LHFPL6: variants seen among roughly 807,000 people sequenced by gnomAD.
LHFPL6 encodes LHFPL tetraspan subfamily member 6.
LHFPL6 carries 9 observed loss-of-function variants against 20.6 expected under a neutral mutation model. The observed-to-expected ratio is 0.44, with a 90% CI of 0.26 to 0.76. The LOEUF is 0.76. Among genes scored for constraint, LHFPL6 ranks in the 30% least tolerant of loss-of-function variants. LHFPL6 has a pLI of 0.20. For missense variants in LHFPL6, 218 were observed against 253.5 expected (o/e 0.86, Z 0.95); for synonymous variants, 105 against 98.7 (o/e 1.06, Z -0.38).
chr13:39,351,210 C>T (rs1308154718), intron 3 of LHFPL6, among the ~76,000 whole-genome samples: 14 of 152,102 alleles, frequency 9.2e-5, no homozygotes, highest in Non-Finnish European at 1.6e-4. Flanking sequence ...CAAAATTAAT[C>T]GTCATATAAC....
chr13:39,552,285 CT>C (rs1871162351), intron 2 of LHFPL6, among the ~76,000 whole-genome samples: 1 of 152,146 alleles, frequency 6.6e-6, no homozygotes. Context: ...TAAGGAGAAT[CT>C]ATTAACTGAG....
At chr13:39,399,185 T>C (rs903352836) in intron 2 of LHFPL6, among the ~76,000 whole-genome samples, 6 of 152,160 alleles carry the variant, frequency 3.9e-5, no homozygotes, top group African/African-American at 1.2e-4. Flanking sequence ...CAAAAGAGCA[T>C]AGGGTCAATC....
At chr13:39,550,720 T>C (rs769720323) in intron 2 of LHFPL6, among the ~76,000 whole-genome samples, 32 of 152,158 alleles carry the variant, frequency 2.1e-4, no homozygotes, top group African/African-American at 6.8e-4. Flanking sequence ...TTTGGCTTTA[T>C]GAATAAGAGA....
Position 39,394,487 on chromosome 13 carries a change from G to T in LHFPL6, c.386-15961C>A, listed in dbSNP as rs1870794337. Among the ~76,000 whole-genome samples the T allele has an allele frequency of 2.0e-5, 3 of 152,122 alleles. No homozygotes were observed. The South Asian group carries it at 6.2e-4, about 31-fold the overall frequency. ...CAGCCTCAAGATGATCTAATCTAGT[G>T]CTTCTCAAACTTTGCCATGAAAATA... On this transcript the variant is annotated intron_variant, in intron 2 of 3. Transcript: ENST00000379589.
chr13:39,566,731 TAAAAAAAAAAAAAAAAA>T lies in LHFPL6; in HGVS notation c.385+34084_385+34100del, dbSNP rs3035077. Among the ~76,000 whole-genome samples the T allele has an allele frequency of 5.7e-5, 4 of 70,088 alleles. No homozygotes were observed. In the Admixed American group the frequency reaches 8.1e-4, roughly 14 times the overall value. 46.0% of individuals were successfully genotyped at this position (70,088 alleles called of 152,430 possible). On this transcript the variant is annotated intron_variant, in intron 2 of 3. Coordinates refer to ENST00000379589, the MANE Select transcript of LHFPL6 (RefSeq NM_005780.3). Reference sequence around the variant, plus strand: ...CTGGGCAACAGAGCAAGACCCTGTCTAAAAAAAAAAAAAAAAAAAAAAAAAAAAATTTGCTTTAAAGG... The same window carrying T: ...CTGGGCAACAGAGCAAGACCCTGTCTAAAAAAAAAAAATTTGCTTTAAAGG...
intron 3 of LHFPL6, 56 bp from the exon 4 acceptor site, chr13:39,344,110 AG>A: frequency 6.9e-7 from 1 of 1,450,604 alleles, no homozygotes; most frequent in Non-Finnish European, 9.6e-7. Context: ...ATTTTGCAGC[AG>A]GGTTTCTTAT....
chr13:39,371,478 A>G (rs982455554), intron 3 of LHFPL6, among the ~76,000 whole-genome samples: 3 of 152,250 alleles, frequency 2.0e-5, no homozygotes, highest in African/African-American at 7.2e-5. Context: ...GTCCTGTCCA[A>G]CTGCAAACAT....
At chr13:39,350,838 C>A (rs1869552130) in intron 3 of LHFPL6, among the ~76,000 whole-genome samples, 1 of 152,188 alleles carries the variant, frequency 6.6e-6, no homozygotes, top group Non-Finnish European at 1.5e-5. Flanking sequence ...AATTCCAGGG[C>A]AGCCCCAGAG....
chr13:39,399,939 C>T (rs1870944337), intron 2 of LHFPL6, among the ~76,000 whole-genome samples: 1 of 152,038 alleles, frequency 6.6e-6, no homozygotes. Context: ...ACTAAAAACA[C>T]AAAGTTAGCC....
In LHFPL6 at chr13:39,420,963, T is replaced by C. The variant is rs183049107; in HGVS notation, c.386-42437A>G. 1.4e-3 allele frequency among the ~76,000 whole-genome samples: 218 copies of C among 151,568 alleles called. No homozygotes were observed. In the East Asian group the frequency reaches 0.018, roughly 13 times the overall value. On this transcript the variant is annotated intron_variant, in intron 2 of 3. Transcript: ENST00000379589. ...TCTTTAGGTTCTGAATCTGTGTTTT[T>C]CCCCCCCCTCAAAACTAGGAAATAC...
At chr13:39,500,982 G>A (rs539690386) in intron 2 of LHFPL6, among the ~76,000 whole-genome samples, 2 of 152,268 alleles carry the variant, frequency 1.3e-5, no homozygotes, top group Admixed American at 6.5e-5. Flanking sequence ...AGTCTGGGGT[G>A]GGGCGTGACA....
In LHFPL6 at chr13:39,343,961, T is replaced by C. The variant is rs1313767274; in HGVS notation, c.578A>G (p.Lys193Arg). 4.3e-6 allele frequency: 7 copies of C among 1,613,894 alleles called. No homozygotes were observed. The highest frequency in any genetic ancestry group is 5.9e-6 in the Non-Finnish European group (7 of 1,179,958). ...LCTWLACFSG[K>R]KQKHYPY ...TCAGTATGGGTAGTGCTTCTGTTTC[T>C]TGCCCGAAAAGCAAGCCAGCCACGT... The change falls in exon 4 of 4, where the codon AAG (lysine) becomes AGG (arginine). Residue 193 changes from lysine to arginine, a missense_variant. Transcript: ENST00000379589.
chr13:39,562,407 C>CATATATACATATAT lies in LHFPL6; in HGVS notation c.385+38424_385+38425insATATATGTATATAT, dbSNP rs1401360857. ...ACATATACATATATATACATATATA[C>CATATATACATATAT]ACATATACACATATACATATATACA... On this transcript the variant is annotated intron_variant, in intron 2 of 3. Transcript: ENST00000379589. 1.0e-4 allele frequency among the ~76,000 whole-genome samples: 7 copies of CATATATACATATAT among 70,184 alleles called. 1 individual carries two copies. Among genetic ancestry groups the CATATATACATATAT allele is most frequent in the Admixed American group, 9.9e-4 (6 of 6,076 alleles). 46.0% of individuals were successfully genotyped at this position (70,184 alleles called of 152,430 possible). A position where few individuals can be genotyped will look rare whatever the true frequency, so the allele number is the denominator to read the frequency against.
chr13:39,491,383 T>C (rs750369587), intron 2 of LHFPL6, among the ~76,000 whole-genome samples: 2 of 152,156 alleles, frequency 1.3e-5, no homozygotes, highest in Admixed American at 6.5e-5. Flanking sequence ...TGGGGAATGG[T>C]TGCAACTAGC....
chr13:39,534,613 T>C lies in LHFPL6; in HGVS notation c.385+66219A>G, dbSNP rs79468533. Among the ~76,000 whole-genome samples, 489 of 152,208 alleles carry C rather than the reference T, an allele frequency of 3.2e-3. 23 individuals are homozygous for C. In the East Asian group the frequency reaches 0.085, roughly 26 times the overall value. ...ATTAAGGAGAGATGGGAAAGGAAGGTGGAAATTATTAAATGCTTATAAATG... is the reference window on the plus strand; with the variant it reads ...ATTAAGGAGAGATGGGAAAGGAAGGCGGAAATTATTAAATGCTTATAAATG... On this transcript the variant is annotated intron_variant, in intron 2 of 3. Coordinates refer to ENST00000379589, the MANE Select transcript of LHFPL6 (RefSeq NM_005780.3).
intron 2 of LHFPL6, among the ~76,000 whole-genome samples, chr13:39,595,840 A>G (rs895354865): frequency 4.6e-5 from 7 of 152,194 alleles, no homozygotes; most frequent in African/African-American, 1.2e-4. Context: ...ACCTTGCAGG[A>G]GAAATTCAGA....
intron 2 of LHFPL6, among the ~76,000 whole-genome samples, chr13:39,553,057 G>T (rs1161837469): frequency 1.3e-5 from 2 of 152,146 alleles, no homozygotes; most frequent in Non-Finnish European, 2.9e-5. Flanking sequence ...AAAATGTAAA[G>T]CATCAGGAAC....
At chr13:39,529,786 G>C (rs1267862223) in intron 2 of LHFPL6, among the ~76,000 whole-genome samples, 1 of 152,084 alleles carries the variant, frequency 6.6e-6, no homozygotes, top group Non-Finnish European at 1.5e-5. Flanking sequence ...GCTGTTTGTT[G>C]GGAAGCAAAT....
intron 2 of LHFPL6, among the ~76,000 whole-genome samples, chr13:39,525,237 A>G (rs1485509303): frequency 6.6e-6 from 1 of 152,096 alleles, no homozygotes; most frequent in Non-Finnish European, 1.5e-5. Context: ...AGTCATTTTC[A>G]TTACAGACTC....
Sources: allele counts gnomAD v4.1 joint callset (sites outside exome capture counted in the v4.1 genomes callset), GRCh38; gene constraint gnomAD v4.1.1; transcripts MANE v1.5; gene names NCBI Gene and HGNC (gene_info 2026-07-23, HGNC 2026-07-21).